The following HPSE variants were observed in gnomAD, a reference collection of about 807,000 sequenced individuals.
The protein encoded by HPSE is endo-glucoronidase.
A neutral mutation model predicts 65.1 loss-of-function variants in HPSE; 48 were observed. The observed-to-expected ratio is 0.74, with a 90% CI of 0.58 to 0.94. The LOEUF (loss-of-function observed/expected upper bound fraction) is 0.94. Among genes scored for constraint, HPSE ranks in the 40% least tolerant of loss-of-function variants. HPSE has a pLI of 0.00. For synonymous variants in HPSE, 243 were observed against 260.0 expected (o/e 0.93, Z 0.63); for missense variants, 644 against 637.5 (o/e 1.01, Z -0.11).
At chr4:83,329,903 A>T (rs1187338170) in intron 1 of HPSE, among the ~76,000 whole-genome samples, 1 of 152,022 alleles carries the variant, frequency 6.6e-6, no homozygotes, top group Non-Finnish European at 1.5e-5. Context: ...AAGCAGGAGC[A>T]CTGGATGAGA....
chr4:83,299,363 CAAAAAAAA>C (rs757562812), intron 11 of HPSE, among the ~76,000 whole-genome samples: 2 of 90,996 alleles, frequency 2.2e-5, no homozygotes, highest in African/African-American at 8.6e-5. Context: ...GACTCTGTCT[CAAAAAAAA>C]AAAAAAAAAA....
chr4:83,301,675 T>A (rs1018845019), intron 10 of HPSE, among the ~76,000 whole-genome samples: 3 of 152,166 alleles, frequency 2.0e-5, no homozygotes, highest in Non-Finnish European at 4.4e-5. Flanking sequence ...CTAGAATTAG[T>A]ATTTCAGCAT....
chr4:83,322,925 C>T (rs570751571), intron 1 of HPSE, among the ~76,000 whole-genome samples: 1 of 151,244 alleles, frequency 6.6e-6, no homozygotes, highest in Admixed American at 6.6e-5. Context: ...CACAGCCTCC[C>T]AAAATGCTGA....
rs141973931 is a variant in HPSE at position 83,302,181 on chromosome 4, G to A, written c.1294C>T (p.Arg432Ter). 3.6e-4 allele frequency: 579 copies of A among 1,613,448 alleles called. 2 individuals are homozygous for A. Among genetic ancestry groups the A allele is most frequent in the Non-Finnish European group, 1.5e-4 (181 of 1,179,430 alleles). Residue 432 changes from arginine to a stop codon, truncating the protein, a stop_gained, in exon 10 of 12, where the codon CGA (arginine) becomes TGA (stop). Transcript: ENST00000311412. LOFTEE classifies it high-confidence loss of function. ...SVQGSKRRKLRVYLHCTNTDN... is the reference protein window; with the variant it reads ...SVQGSKRRKL ...GTGTTTGTGCAATGAAGGTATACTC[G>A]AAGCTTCCTTCTCTTTGAACCTTGC...
At chr4:83,318,768 C>A (rs2126192846) in intron 3 of HPSE, among the ~76,000 whole-genome samples, 1 of 148,904 alleles carries the variant, frequency 6.7e-6, no homozygotes, top group Admixed American at 6.7e-5. Context: ...CCCCATGTGA[C>A]AATGTCATCC....
intron 1 of HPSE, 91 bp downstream of exon 1, chr4:83,334,465 T>G: frequency 1.4e-6 from 2 of 1,397,346 alleles, no homozygotes; most frequent in Non-Finnish European, 1.9e-6. Flanking sequence ...TGTGAAGTTG[T>G]TTCCGCGCAA....
In HPSE at chr4:83,317,458, C is replaced by G. The variant is rs550854905; in HGVS notation, c.499+1886G>C. ...GCCCATGAAAACTGAAAATTTCGAG[C>G]CAGAAATCAAATGTTTACAAATGCA... is the stretch of plus-strand genomic sequence containing the variant. On this transcript the variant is annotated intron_variant, in intron 3 of 11. Transcript: ENST00000311412. Among the ~76,000 whole-genome samples, 20 of 152,238 alleles carry G rather than the reference C, an allele frequency of 1.3e-4. No individual in the cohort carries two copies. The South Asian group carries it at 4.2e-3, about 32-fold the overall frequency.
chr4:83,319,528 C>CATAT, intron 2 of HPSE, 59 bp from the exon 3 acceptor site: 1 of 1,511,498 alleles, frequency 6.6e-7, no homozygotes, highest in Non-Finnish European at 9.1e-7. Context: ...ACTGAAATCG[C>CATAT]ATATATTTAT....
At chr4:83,303,376 A>C (rs11099591) in intron 9 of HPSE, among the ~76,000 whole-genome samples, 6 of 152,220 alleles carry the variant, frequency 3.9e-5, no homozygotes, top group Non-Finnish European at 8.8e-5. Context: ...TAAGAGACTT[A>C]TCAACCAAAT....
At chr4:83,304,773 T>C (rs918389960) in intron 9 of HPSE, among the ~76,000 whole-genome samples, 1 of 152,246 alleles carries the variant, frequency 6.6e-6, no homozygotes, top group African/African-American at 2.4e-5. Flanking sequence ...TTTGTTTCTC[T>C]GCTTAAATTC....
chr4:83,315,427 T>C (rs949952361), intron 3 of HPSE, among the ~76,000 whole-genome samples: 4 of 152,206 alleles, frequency 2.6e-5, no homozygotes, highest in Admixed American at 6.5e-5. Flanking sequence ...CCCTCATTTT[T>C]CTAGGAGGAA....
chr4:83,317,017 G>A (rs6831481), intron 3 of HPSE, among the ~76,000 whole-genome samples: 2,566 of 152,128 alleles, frequency 0.017, 67 homozygotes, highest in African/African-American at 0.059. Context: ...TCTCCTGCCT[G>A]CCTCCTGAGT....
In HPSE at chr4:83,325,130, GGTGTGTGTGTGTGTGTGTGTGTGT is replaced by G. The variant is rs70949703; in HGVS notation, c.228-2790_228-2767del. Among the ~76,000 whole-genome samples the G allele has an allele frequency of 1.9e-3, 252 of 134,266 alleles. 1 individual carries two copies. The highest frequency in any genetic ancestry group is 6.6e-3 in the African/African-American group (239 of 36,436). 88.1% of individuals were successfully genotyped at this position (134,266 alleles called of 152,430 possible). A position where few individuals can be genotyped will look rare whatever the true frequency, so the allele number is the denominator to read the frequency against. ...CGTTATATTTTAAATTATACAACTTGGTGTGTGTGTGTGTGTGTGTGTGTGTGTGTGTGTGTGTGTGTGTGTGTG... is the reference window on the plus strand; with the variant it reads ...CGTTATATTTTAAATTATACAACTTGGTGTGTGTGTGTGTGTGTGTGTGTG... On this transcript the variant is annotated intron_variant, in intron 1 of 11. Transcript: ENST00000311412.
Position 83,309,453 on chromosome 4 carries a change from T to C in HPSE, c.933A>G (p.Leu311=). 6.3e-7 allele frequency: 1 copy of C among 1,594,182 alleles called. No individual in the cohort carries two copies. The highest frequency in any genetic ancestry group is 8.6e-7 in the Non-Finnish European group (1 of 1,165,570). Residue 311 remains leucine (L), a synonymous_variant, in exon 7 of 12, where the codon CTA becomes CTG. Coordinates refer to ENST00000311412, the MANE Select transcript of HPSE (RefSeq NM_001098540.3). ...TAAAAATGTCCAATACATCAGGGTT[T>C]AGAAAATCTTCCTTGGTAGCAGTCC... ...NGRTATKEDF[L]NPDVLDIFIS...
chr4:83,326,525 C>T lies in HPSE; in HGVS notation c.228-4161G>A, dbSNP rs1173514215. On this transcript the variant is annotated intron_variant, in intron 1 of 11. Coordinates refer to ENST00000311412, the MANE Select transcript of HPSE (RefSeq NM_001098540.3). The surrounding 1 kb of genome is among the most constrained non-coding windows in gnomAD (Gnocchi z 4.2). Reference sequence around the variant, plus strand: ...CTAAGTTTTGTAGAATTTGAGATACCAATGGAACACCAAAAAACATACTTC... The same window carrying T: ...CTAAGTTTTGTAGAATTTGAGATACTAATGGAACACCAAAAAACATACTTC... Among the ~76,000 whole-genome samples the T allele has an allele frequency of 1.3e-5, 2 of 152,130 alleles. No homozygotes were observed. The highest frequency in any genetic ancestry group is 4.8e-5 in the African/African-American group (2 of 41,404).
At chr4:83,313,376 G>T in intron 3 of HPSE, 89 bp from the exon 4 acceptor site, 1 of 762,984 alleles carries the variant, frequency 1.3e-6, no homozygotes, top group Non-Finnish European at 2.0e-6. Context: ...AACTATTTCT[G>T]TTGTTAAACT....
chr4:83,300,413 A>C (rs1377135615), intron 11 of HPSE, among the ~76,000 whole-genome samples: 2 of 152,222 alleles, frequency 1.3e-5, no homozygotes, highest in African/African-American at 4.8e-5. Flanking sequence ...CGTTGAGTGG[A>C]TCTTGATATG....
intron 1 of HPSE, among the ~76,000 whole-genome samples, chr4:83,329,659 G>A (rs997301661): frequency 4.6e-5 from 7 of 152,180 alleles, no homozygotes; most frequent in African/African-American, 1.4e-4. Context: ...ACTGAATACA[G>A]AGTTGAGATG....
chr4:83,314,664 A>G (rs1421772400), intron 3 of HPSE, among the ~76,000 whole-genome samples: 4 of 152,190 alleles, frequency 2.6e-5, no homozygotes, highest in Admixed American at 1.3e-4. Flanking sequence ...TATCATATGC[A>G]TAATAAGTCC....
Sources: allele counts gnomAD v4.1 joint callset (sites outside exome capture counted in the v4.1 genomes callset), GRCh38; gene constraint gnomAD v4.1.1; non-coding constraint Gnocchi (gnomAD v3.1); transcripts MANE v1.5; gene names NCBI Gene and HGNC (gene_info 2026-07-23, HGNC 2026-07-21).